PIAS4: variants seen among roughly 807,000 people sequenced by gnomAD.
The protein encoded by PIAS4 is protein inhibitor of activated STAT 4, also known as E3 SUMO-protein ligase PIAS4.
In PIAS4, 7 loss-of-function variants were observed where a neutral mutation model predicts 58.0. The ratio of observed to expected loss-of-function variants is 0.12; its 90% CI spans 0.07 to 0.23. The LOEUF is 0.23. Ranked by LOEUF, PIAS4 falls within the 10% of genes least tolerant of loss-of-function variation. The pLI is 1.00. For synonymous variants in PIAS4, 364 were observed against 312.4 expected (o/e 1.17, Z -1.74); for missense variants, 550 against 709.5 (o/e 0.78, Z 2.55).
intron 2 of PIAS4, among the ~76,000 whole-genome samples, chr19:4,020,617 C>T (rs530047717): frequency 6.6e-6 from 1 of 152,310 alleles, no homozygotes; most frequent in East Asian, 1.9e-4. Context: ...AGCGTTTTTG[C>T]TTTGTATCTA....
chr19:4,020,697 C>T (rs1896188175), intron 2 of PIAS4, among the ~76,000 whole-genome samples: 1 of 152,220 alleles, frequency 6.6e-6, no homozygotes, highest in South Asian at 2.1e-4. Flanking sequence ...TGAGCCCAAG[C>T]AGTCCTCTCA....
intron 1 of PIAS4, among the ~76,000 whole-genome samples, chr19:4,009,188 G>A (rs752909750): frequency 2.0e-5 from 3 of 151,882 alleles, no homozygotes; most frequent in South Asian, 2.1e-4. Context: ...TGACCTGTAC[G>A]TATCTTCTTC....
At position 4,036,295 on chromosome 19, in the gene PIAS4, C is replaced by CAG. The variant is rs1414527167; in HGVS notation, c.1143-1078_1143-1077insGA. Among the ~76,000 whole-genome samples the CAG allele has an allele frequency of 1.6e-5, 2 of 125,064 alleles. 1 individual carries two copies. The highest frequency in any genetic ancestry group is 3.7e-5 in the Non-Finnish European group (2 of 54,702). 82.0% of individuals were successfully genotyped at this position (125,064 alleles called of 152,430 possible). A position where few individuals can be genotyped will look rare whatever the true frequency, so the allele number is the denominator to read the frequency against. On this transcript the variant is annotated intron_variant, in intron 9 of 10. Coordinates refer to ENST00000262971, the MANE Select transcript of PIAS4 (RefSeq NM_015897.4). ...TATATGGTCTACACCGTCACACACA[C>CAG]ACACATCTATACAGTCCACACCTGT...
At position 4,010,423 on chromosome 19, in the gene PIAS4, G is replaced by A. The variant is rs1008698575; in HGVS notation, c.28-2500G>A. On this transcript the variant is annotated intron_variant, in intron 1 of 10. Coordinates refer to ENST00000262971, the MANE Select transcript of PIAS4 (RefSeq NM_015897.4). ...CAGTGTGAAGTGTCCACATGACATC[G>A]TCTCTCCCTGCTAAGGCTTTGGGCC... Among the ~76,000 whole-genome samples the A allele has an allele frequency of 4.6e-5, 7 of 152,362 alleles. No individual in the cohort carries two copies. The East Asian group carries it at 5.8e-4, about 13-fold the overall frequency.
Position 4,013,798 on chromosome 19 carries a change from C to T in PIAS4, c.454+449C>T, listed in dbSNP as rs1424582270. On this transcript the variant is annotated intron_variant, in intron 2 of 10. Transcript: ENST00000262971. This position sits in a 1 kb window ranked among gnomAD's most constrained non-coding sequence, Gnocchi z 5.1. Reference sequence around the variant, plus strand: ...TGGTGCGGACTCCTGCACGGATTGCCTGGGCGTCCTCAGCCTGGTGGCTCC... The same window carrying T: ...TGGTGCGGACTCCTGCACGGATTGCTTGGGCGTCCTCAGCCTGGTGGCTCC... 6.6e-6 allele frequency among the ~76,000 whole-genome samples: 1 copy of T among 152,202 alleles called. No individual in the cohort carries two copies. The highest frequency in any genetic ancestry group is 1.5e-5 in the Non-Finnish European group (1 of 68,026).
In PIAS4 at chr19:4,037,866, G is replaced by A. The variant is rs779791613; in HGVS notation, c.1524G>A (p.Pro508=). The change falls in exon 11 of 11, where the codon CCG becomes CCA. Residue 508 remains proline, a synonymous_variant. Coordinates refer to ENST00000262971, the MANE Select transcript of PIAS4 (RefSeq NM_015897.4). This position sits in a 1 kb window ranked among gnomAD's most constrained non-coding sequence, Gnocchi z 5.8. ...RRCPFQKGLV[P]AC is the part of the protein sequence containing the mutation. ...GCCCCTTCCAGAAGGGCCTGGTGCC[G>A]GCCTGCTGACCCCGGCCGCACACTC... is the stretch of plus-strand genomic sequence containing the variant. 1.3e-4 allele frequency: 209 copies of A among 1,566,202 alleles called. No individual in the cohort carries two copies. The highest frequency in any genetic ancestry group is 1.7e-4 in the Non-Finnish European group (199 of 1,159,676).
intron 2 of PIAS4, chr19:4,018,611 G>T (rs541735806): frequency 6.6e-6 from 1 of 152,332 alleles, no homozygotes; most frequent in East Asian, 1.9e-4. Flanking sequence ...CCTTGGTCCC[G>T]TGGCCTTGGA....
At chr19:4,020,713 G>A (rs1373594562) in intron 2 of PIAS4, among the ~76,000 whole-genome samples, 4 of 152,200 alleles carry the variant, frequency 2.6e-5, no homozygotes, top group Non-Finnish European at 5.9e-5. Context: ...TCTCACCTCA[G>A]CCTCCTGAGT....
Position 4,038,971 on chromosome 19 carries a change from CA to C in PIAS4, c.*1097del, listed in dbSNP as rs1813839275. ...TTCCCGGCCCCTCGCAGGCCCCACCCATGCCCTTGGCCTCAGGGTCCAACAA... is the reference window on the plus strand; with the variant it reads ...TTCCCGGCCCCTCGCAGGCCCCACCCTGCCCTTGGCCTCAGGGTCCAACAA... On this transcript the variant is annotated 3_prime_UTR_variant, in exon 11 of 11. Transcript: ENST00000262971. The surrounding 1 kb of genome is among the most constrained non-coding windows in gnomAD (Gnocchi z 4.1). The C allele has an allele frequency of 6.6e-6, 1 of 152,458 alleles. No homozygotes were observed. The highest frequency in any genetic ancestry group is 6.5e-5 in the Admixed American group (1 of 15,290). 9.4% of individuals were successfully genotyped at this position (152,458 alleles called of 1,614,324 possible).
chr19:4,026,610 G>C (rs1010182946), intron 3 of PIAS4, among the ~76,000 whole-genome samples: 1 of 151,758 alleles, frequency 6.6e-6, no homozygotes. Flanking sequence ...TGGCCCCCAC[G>C]CATCCCCTCC....
intron 2 of PIAS4, among the ~76,000 whole-genome samples, chr19:4,021,676 G>T: frequency 6.6e-6 from 1 of 151,572 alleles, no homozygotes; most frequent in African/African-American, 2.4e-5. Flanking sequence ...GTTTATGTAC[G>T]GTTTATGTGG....
chr19:4,034,343 C>T (rs534266234), intron 9 of PIAS4, among the ~76,000 whole-genome samples: 1 of 152,250 alleles, frequency 6.6e-6, no homozygotes, highest in African/African-American at 2.4e-5. Flanking sequence ...GCTGGCCTGC[C>T]TCTGGGGTTG....
At chr19:4,033,224 C>A (rs1308270421) in intron 8 of PIAS4, 51 bp downstream of exon 8, 1 of 1,545,742 alleles carries the variant, frequency 6.5e-7, no homozygotes, top group Non-Finnish European at 8.9e-7. Context: ...GGCCGGCCTT[C>A]CCCCCTGGCG....
intron 9 of PIAS4, among the ~76,000 whole-genome samples, chr19:4,035,868 GTC>G (rs202246302): frequency 9.8e-3 from 29 of 2,946 alleles, no homozygotes; most frequent in South Asian, 0.022. Flanking sequence ...AGTCCACACC[GTC>G]TCACACACAC....
At chr19:4,008,534 C>T (rs933683093) in intron 1 of PIAS4, among the ~76,000 whole-genome samples, 1 of 152,200 alleles carries the variant, frequency 6.6e-6, no homozygotes, top group African/African-American at 2.4e-5. Context: ...TTTCCCTCCC[C>T]ATAGGATGGA....
chr19:4,029,527 C>T (rs2040202151), intron 7 of PIAS4, among the ~76,000 whole-genome samples: 1 of 152,050 alleles, frequency 6.6e-6, no homozygotes, highest in Admixed American at 6.6e-5. Flanking sequence ...GTTGGTGAGG[C>T]CCCGTTTAAT....
chr19:4,017,334 C>T (rs1257248855), intron 2 of PIAS4, among the ~76,000 whole-genome samples: 7 of 152,186 alleles, frequency 4.6e-5, no homozygotes, highest in Non-Finnish European at 1.0e-4. Flanking sequence ...CCAACCTGCC[C>T]GCTGGCTGCA....
chr19:4,023,172 C>CA (rs36013586), intron 2 of PIAS4, among the ~76,000 whole-genome samples: 34,182 of 118,588 alleles, frequency 0.29, 5,036 homozygotes, highest in Middle Eastern at 0.41. Context: ...AACAAAGTCT[C>CA]AAAAAAAAAA....
chr19:4,011,013 C>T (rs1168816705), intron 1 of PIAS4, among the ~76,000 whole-genome samples: 1 of 152,328 alleles, frequency 6.6e-6, no homozygotes, highest in African/African-American at 2.4e-5. Context: ...ACAGTGGGCC[C>T]CGGCTGCTGC....
Sources: allele counts gnomAD v4.1 joint callset (sites outside exome capture counted in the v4.1 genomes callset), GRCh38; gene constraint gnomAD v4.1.1; non-coding constraint Gnocchi (gnomAD v3.1); transcripts MANE v1.5; gene names NCBI Gene and HGNC (gene_info 2026-07-23, HGNC 2026-07-21).